MARK1: variants seen among roughly 807,000 people sequenced by gnomAD.
MARK1 encodes microtubule affinity regulating kinase 1.
Under a neutral mutation model 96.3 loss-of-function variants are expected in MARK1, and 40 were observed. The observed-to-expected ratio is 0.42, with a 90% CI of 0.32 to 0.54. MARK1 has a LOEUF of 0.54. MARK1 is among the 20% of genes least tolerant of loss of function. MARK1 has a pLI of 0.16. For synonymous variants in MARK1, 317 were observed against 341.2 expected (o/e 0.93, Z 0.78); for missense variants, 719 against 984.6 (o/e 0.73, Z 3.61).
At chr1:220,597,436 T>G (rs1384498027) in intron 3 of MARK1, among the ~76,000 whole-genome samples, 2 of 152,164 alleles carry the variant, frequency 1.3e-5, no homozygotes, top group African/African-American at 4.8e-5. Context: ...TCCTAATAGG[T>G]GTGAGGTGGT....
chr1:220,650,736 C>G lies in MARK1; in HGVS notation c.1571+16C>G. ...AAGACAGCAGGTAAATGCCACAGTG[C>G]CAAGTAGTAATACCTTTGCTGTTGT... is the stretch of plus-strand genomic sequence containing the variant. On this transcript the variant is annotated intron_variant, in intron 14 of 17. Transcript: ENST00000366917. 6.4e-7 allele frequency: 1 copy of G among 1,562,578 alleles called. No homozygotes were observed. Among genetic ancestry groups the G allele is most frequent in the African/African-American group, 1.4e-5 (1 of 73,940 alleles).
intron 3 of MARK1, among the ~76,000 whole-genome samples, chr1:220,585,362 C>T (rs752170312): frequency 5.3e-5 from 8 of 152,170 alleles, no homozygotes; most frequent in Non-Finnish European, 1.0e-4. Flanking sequence ...GGTGTTTAAA[C>T]AAGTGTTTTA....
chr1:220,644,458 C>G (rs867698832), intron 13 of MARK1, among the ~76,000 whole-genome samples: 3 of 141,980 alleles, frequency 2.1e-5, no homozygotes, highest in South Asian at 2.4e-4. Flanking sequence ...GACCCCCCCC[C>G]CCCCACACAC....
At chr1:220,529,895 A>G (rs1660194186) in intron 1 of MARK1, among the ~76,000 whole-genome samples, 1 of 152,202 alleles carries the variant, frequency 6.6e-6, no homozygotes, top group East Asian at 1.9e-4. Flanking sequence ...TTAAGGACCT[A>G]GAGGGGTACT....
At chr1:220,598,534 T>A (rs1462574488) in intron 4 of MARK1, among the ~76,000 whole-genome samples, 155 bp downstream of exon 4, 1 of 151,268 alleles carries the variant, frequency 6.6e-6, no homozygotes, top group Admixed American at 6.6e-5. Context: ...CAGGAAGTGA[T>A]ACTTTGGGTA....
At chr1:220,535,006 A>G (rs74916076) in intron 1 of MARK1, among the ~76,000 whole-genome samples, 2,923 of 152,176 alleles carry the variant, frequency 0.019, 40 homozygotes, top group Middle Eastern at 0.045. Flanking sequence ...AGATCTCTTC[A>G]AGATCCTGAT....
intron 1 of MARK1, among the ~76,000 whole-genome samples, chr1:220,531,816 A>T (rs1660336313): frequency 6.6e-6 from 1 of 151,960 alleles, no homozygotes; most frequent in Non-Finnish European, 1.5e-5. Context: ...GTAGTAAAGT[A>T]AAAAAAATGT....
chr1:220,600,456 A>T (rs1558288911), intron 5 of MARK1, among the ~76,000 whole-genome samples: 1 of 152,178 alleles, frequency 6.6e-6, no homozygotes, highest in East Asian at 1.9e-4. Context: ...TGGTGTCAAA[A>T]ATAGGAATGA....
chr1:220,554,470 T>G (rs773582074), intron 1 of MARK1, among the ~76,000 whole-genome samples: 1 of 152,190 alleles, frequency 6.6e-6, no homozygotes, highest in Non-Finnish European at 1.5e-5. Context: ...TCTTATAATG[T>G]GTAGGATAGT....
At chr1:220,635,248 C>T (rs1572210667) in intron 11 of MARK1, 128 bp from the exon 12 acceptor site, 1 of 883,148 alleles carries the variant, frequency 1.1e-6, no homozygotes, top group South Asian at 2.0e-5. Context: ...CAATACTACA[C>T]TGTTTTTTCA....
chr1:220,642,342 C>T (rs538364207), intron 13 of MARK1, among the ~76,000 whole-genome samples: 2 of 152,198 alleles, frequency 1.3e-5, no homozygotes, highest in African/African-American at 2.4e-5. Flanking sequence ...TGTATTCCCC[C>T]ACAGCACAGC....
chr1:220,629,964 C>T (rs551560327), intron 9 of MARK1, among the ~76,000 whole-genome samples: 4 of 152,098 alleles, frequency 2.6e-5, no homozygotes, highest in Non-Finnish European at 4.4e-5. Flanking sequence ...GATAAATACC[C>T]AGAAGTGGGA....
At chr1:220,571,248 T>C (rs1479886054) in intron 1 of MARK1, among the ~76,000 whole-genome samples, 1 of 152,200 alleles carries the variant, frequency 6.6e-6, no homozygotes, top group Non-Finnish European at 1.5e-5. Flanking sequence ...CTATATTGAA[T>C]GATAATGCAT....
chr1:220,584,585 A>G (rs1209643148), intron 3 of MARK1, among the ~76,000 whole-genome samples: 1 of 152,216 alleles, frequency 6.6e-6, no homozygotes, highest in Non-Finnish European at 1.5e-5. Flanking sequence ...TTTTTAAATA[A>G]AGCCCAGAGA....
In MARK1 at chr1:220,611,547, G is replaced by A. The variant is rs550922388; in HGVS notation, c.496-4392G>A. 4.6e-5 allele frequency among the ~76,000 whole-genome samples: 7 copies of A among 152,008 alleles called. No homozygotes were observed. The East Asian group carries it at 7.8e-4, about 17-fold the overall frequency. On this transcript the variant is annotated intron_variant, in intron 6 of 17. Coordinates refer to ENST00000366917, the MANE Select transcript of MARK1 (RefSeq NM_018650.5). ...GTGCCTCCCTGCCCTGCTTCAGCTC[G>A]CCCTCCGTGGGCTGCACCCACTGTC... is the stretch of plus-strand genomic sequence containing the variant.
At chr1:220,613,181 A>G (rs1326728925) in intron 6 of MARK1, among the ~76,000 whole-genome samples, 2 of 152,170 alleles carry the variant, frequency 1.3e-5, no homozygotes, top group Non-Finnish European at 2.9e-5. Context: ...AAAATAATGC[A>G]GTAAAAATTG....
intron 5 of MARK1, among the ~76,000 whole-genome samples, 180 bp downstream of exon 5, chr1:220,600,043 A>G (rs74881569): frequency 0.015 from 2,351 of 152,276 alleles, 32 homozygotes; most frequent in Middle Eastern, 0.044. Context: ...TCGATCTTAC[A>G]TTATAAATGG....
chr1:220,543,633 C>T (rs1661291476), intron 1 of MARK1, among the ~76,000 whole-genome samples: 1 of 152,102 alleles, frequency 6.6e-6, no homozygotes, highest in African/African-American at 2.4e-5. Context: ...AGGCCATGGA[C>T]CACTTTCAAC....
intron 15 of MARK1, among the ~76,000 whole-genome samples, 167 bp downstream of exon 15, chr1:220,652,317 C>T (rs1359619575): frequency 6.6e-6 from 1 of 152,132 alleles, no homozygotes; most frequent in African/African-American, 2.4e-5. Context: ...TGTACTTTGG[C>T]TGTTATTGGA....
Sources: allele counts gnomAD v4.1 joint callset (sites outside exome capture counted in the v4.1 genomes callset), GRCh38; gene constraint gnomAD v4.1.1; transcripts MANE v1.5; gene names NCBI Gene and HGNC (gene_info 2026-07-23, HGNC 2026-07-21).